MCTP2: variants seen among roughly 807,000 people sequenced by gnomAD.
MCTP2 encodes multiple C2 and transmembrane domain-containing protein 2.
MCTP2 carries 132 observed loss-of-function variants against 111.6 expected under a neutral mutation model. The ratio of observed to expected loss-of-function variants is 1.18; its 90% CI spans 1.03 to 1.37. MCTP2 has a LOEUF of 1.37. Ranked by LOEUF, MCTP2 falls within the 40% of genes most tolerant of loss-of-function variation. The pLI is 0.00. For synonymous variants in MCTP2, 395 were observed against 387.7 expected (o/e 1.02, Z -0.22); for missense variants, 1,183 against 1,067.9 (o/e 1.11, Z -1.50).
At chr15:94,426,962 G>C in intron 17 of MCTP2, among the ~76,000 whole-genome samples, 1 of 151,934 alleles carries the variant, frequency 6.6e-6, no homozygotes, top group Non-Finnish European at 1.5e-5. Context: ...TTTTTAAATT[G>C]TCCCTCATCT....
chr15:94,377,857 C>T (rs2079862580), intron 12 of MCTP2, among the ~76,000 whole-genome samples: 1 of 151,966 alleles, frequency 6.6e-6, no homozygotes, highest in Non-Finnish European at 1.5e-5. Context: ...GTTGGCACCG[C>T]AGAGAAGAAG....
At chr15:94,245,925 C>A (rs999348480) in intron 1 of MCTP2, among the ~76,000 whole-genome samples, 1 of 151,952 alleles carries the variant, frequency 6.6e-6, no homozygotes, top group Admixed American at 6.6e-5. Context: ...ACTTGTCTCC[C>A]TGGAGTGTCA....
In MCTP2 at chr15:94,297,568, C is replaced by T. The variant is rs2075332059; in HGVS notation, c.-65-633C>T. Among the ~76,000 whole-genome samples the T allele has an allele frequency of 6.6e-5, 10 of 152,078 alleles. No homozygotes were observed. The South Asian group carries it at 2.1e-3, about 32-fold the overall frequency. ...CCATGTTTTTGTTCTTGAAAACGTA[C>T]ACTTAATTCTGGGAAGGAAGTTGAC... On this transcript the variant is annotated intron_variant, in intron 1 of 22. Coordinates refer to ENST00000357742, the MANE Select transcript of MCTP2 (RefSeq NM_001385001.1).
intron 1 of MCTP2, among the ~76,000 whole-genome samples, chr15:94,276,147 A>G (rs1310354418): frequency 1.3e-5 from 2 of 152,086 alleles, no homozygotes; most frequent in Non-Finnish European, 2.9e-5. Flanking sequence ...CCTGGCCTTT[A>G]TAAGTGTTTT....
chr15:94,380,419 ATT>A (rs1390199617), intron 12 of MCTP2, among the ~76,000 whole-genome samples: 1 of 152,152 alleles, frequency 6.6e-6, no homozygotes, highest in Non-Finnish European at 1.5e-5. Context: ...TGGTCATTGT[ATT>A]TCAGGGTCAG....
At chr15:94,477,714 A>T (rs947607792) in intron 22 of MCTP2, among the ~76,000 whole-genome samples, 3 of 152,150 alleles carry the variant, frequency 2.0e-5, no homozygotes, top group Admixed American at 1.3e-4. Context: ...GGGGCGGAAA[A>T]GCCTTAGAGT....
intron 4 of MCTP2, among the ~76,000 whole-genome samples, chr15:94,317,269 A>G (rs1438698466): frequency 6.6e-6 from 1 of 151,758 alleles, no homozygotes; most frequent in Non-Finnish European, 1.5e-5. Flanking sequence ...TTATCATTTT[A>G]TTTGTGTTTT....
At chr15:94,458,591 C>T (rs1449398706) in intron 20 of MCTP2, among the ~76,000 whole-genome samples, 1 of 152,174 alleles carries the variant, frequency 6.6e-6, no homozygotes, top group African/African-American at 2.4e-5. Flanking sequence ...ATGTGCTATA[C>T]AGGAGCCTTT....
chr15:94,349,264 T>G lies in MCTP2; in HGVS notation c.1005+4100T>G, dbSNP rs552308769. 2.6e-5 allele frequency among the ~76,000 whole-genome samples: 4 copies of G among 152,308 alleles called. 1 individual carries two copies. Among genetic ancestry groups the G allele is most frequent in the South Asian group, 4.1e-4 (2 of 4,828 alleles). On this transcript the variant is annotated intron_variant, in intron 8 of 22. Coordinates refer to ENST00000357742, the MANE Select transcript of MCTP2 (RefSeq NM_001385001.1). ...TTTATCAGAACTTTCAAAGCTTGTA[T>G]GTACTCCACACCAGAGGGACAGAGG...
chr15:94,259,915 C>G (rs983267399), intron 1 of MCTP2, among the ~76,000 whole-genome samples: 1 of 152,150 alleles, frequency 6.6e-6, no homozygotes, highest in African/African-American at 2.4e-5. Context: ...TTAGTCTCAC[C>G]CTTGTGCACT....
intron 1 of MCTP2, among the ~76,000 whole-genome samples, chr15:94,241,263 G>A (rs767633399): frequency 2.6e-5 from 4 of 152,182 alleles, no homozygotes; most frequent in Non-Finnish European, 4.4e-5. Flanking sequence ...AATCTGATGT[G>A]CCGGGCACAG....
chr15:94,419,486 A>G (rs560973059), intron 17 of MCTP2, among the ~76,000 whole-genome samples: 3 of 152,198 alleles, frequency 2.0e-5, no homozygotes, highest in African/African-American at 7.2e-5. Flanking sequence ...AGGAAAGGAC[A>G]TTTTGATTCT....
chr15:94,266,071 C>CGT (rs1364284398), intron 1 of MCTP2, among the ~76,000 whole-genome samples: 3 of 59,740 alleles, frequency 5.0e-5, no homozygotes, highest in Admixed American at 3.3e-4. Context: ...CACGTGCATG[C>CGT]GTGTGCGCGC....
intron 4 of MCTP2, among the ~76,000 whole-genome samples, chr15:94,331,708 T>C (rs553005621): frequency 6.6e-6 from 1 of 152,342 alleles, no homozygotes; most frequent in South Asian, 2.1e-4. Context: ...AATTGGACTT[T>C]GGTAAATTGC....
rs1176102102 is a variant in MCTP2, at chr15:94,480,722, GATCA to G, written c.*1689_*1692del. 6.6e-6 allele frequency: 1 copy of G among 152,168 alleles called. No homozygotes were observed. Among genetic ancestry groups the G allele is most frequent in the Non-Finnish European group, 1.5e-5 (1 of 68,024 alleles). The allele number at this position is 152,168 out of a possible 1,614,324, so 9.4% of individuals were successfully genotyped here. ...ATTTTTAAACAGACATGTGAGATCT[GATCA>G]GTCATTTGAATGAAAACTTTCAGCA... On this transcript the variant is annotated 3_prime_UTR_variant, in exon 23 of 23. Coordinates refer to ENST00000357742, the MANE Select transcript of MCTP2 (RefSeq NM_001385001.1).
intron 17 of MCTP2, among the ~76,000 whole-genome samples, chr15:94,411,756 A>G (rs1340405383): frequency 1.3e-5 from 2 of 152,320 alleles, no homozygotes; most frequent in East Asian, 3.9e-4. Context: ...GTATACAAAA[A>G]AAAAGATTTT....
At chr15:94,237,975 C>T (rs1026689643) in intron 1 of MCTP2, among the ~76,000 whole-genome samples, 11 of 152,102 alleles carry the variant, frequency 7.2e-5, no homozygotes, top group East Asian at 1.9e-4. Context: ...CCCCGCCCCG[C>T]GCACTTTGAG....
At chr15:94,234,543 A>T (rs866267792) in intron 1 of MCTP2, among the ~76,000 whole-genome samples, 1 of 152,038 alleles carries the variant, frequency 6.6e-6, no homozygotes, top group Non-Finnish European at 1.5e-5. Context: ...AGTGAGAGGG[A>T]AAGTTGTGGT....
chr15:94,344,411 A>G (rs1431629220), intron 7 of MCTP2, among the ~76,000 whole-genome samples: 1 of 152,216 alleles, frequency 6.6e-6, no homozygotes, highest in Non-Finnish European at 1.5e-5. Flanking sequence ...CCAAGTTGTA[A>G]CAACCAGTTA....
Sources: allele counts gnomAD v4.1 joint callset (sites outside exome capture counted in the v4.1 genomes callset), GRCh38; gene constraint gnomAD v4.1.1; transcripts MANE v1.5; gene names NCBI Gene and HGNC (gene_info 2026-07-23, HGNC 2026-07-21).